Variants in AGBL3 observed in about 807,000 individuals in gnomAD.
AGBL3 encodes the protein cytosolic carboxypeptidase 3.
AGBL3 carries 68 observed loss-of-function variants against 94.5 expected under a neutral mutation model. The ratio of observed to expected loss-of-function variants is 0.72; its 90% CI spans 0.59 to 0.88. The LOEUF is 0.88. Ranked by LOEUF, AGBL3 falls within the 40% of genes least tolerant of loss-of-function variation. The pLI is 0.00. For missense variants in AGBL3, 934 were observed against 1,103.8 expected (o/e 0.85, Z 2.18); for synonymous variants, 354 against 370.7 (o/e 0.95, Z 0.52).
intron 8 of AGBL3, among the ~76,000 whole-genome samples, chr7:135,039,573 A>G (rs1477011796): frequency 2.0e-5 from 3 of 151,988 alleles, no homozygotes; most frequent in Admixed American, 2.0e-4. Context: ...CATCTCTACT[A>G]AAAATACAAA....
rs1816068283 is a variant in AGBL3 at position 135,034,179 on chromosome 7, C to G, written c.588C>G (p.Arg196=). The G allele has an allele frequency of 6.4e-6, 10 of 1,551,144 alleles. No individual in the cohort carries two copies. Among genetic ancestry groups the G allele is most frequent in the Non-Finnish European group, 8.7e-6 (10 of 1,146,786 alleles). ...AATACGAATACCAATTGACTGTACG[C>G]CCTGACCTCTTCACAAATAAACACA... ...VAEYEYQLTV[R]PDLFTNKHTQ... is the part of the protein sequence containing the mutation. Residue 196 remains arginine, a synonymous_variant, in exon 7 of 17, where the codon CGC becomes CGG. Transcript: ENST00000436302.
intron 2 of AGBL3, among the ~76,000 whole-genome samples, chr7:134,988,801 AT>A (rs5887718): frequency 0.068 from 10,357 of 151,452 alleles, 1,146 homozygotes; most frequent in African/African-American, 0.23. Flanking sequence ...TGCCTGGCTA[AT>A]TTTTTTTGTA....
intron 16 of AGBL3, among the ~76,000 whole-genome samples, chr7:135,121,244 T>C (rs1269011465): frequency 6.6e-6 from 1 of 151,990 alleles, no homozygotes; most frequent in Non-Finnish European, 1.5e-5. Context: ...GCAAAATATG[T>C]GAAGCAAAAA....
At chr7:135,017,301 C>A in intron 5 of AGBL3, 142 bp downstream of exon 5, 1 of 644,394 alleles carries the variant, frequency 1.6e-6, no homozygotes, top group Non-Finnish European at 2.7e-6. Context: ...ATATATTGAT[C>A]CAAGTGTTGA....
In AGBL3 at chr7:135,024,827, C is replaced by T. The variant is rs918811164; in HGVS notation, c.418+7668C>T. On this transcript the variant is annotated intron_variant, in intron 5 of 16. Coordinates refer to ENST00000436302, the MANE Select transcript of AGBL3 (RefSeq NM_178563.4). ...ACTGCTGGAATTGAAAAATTCACTA[C>T]AAGAATTACATAATACAGTTAGAAT... 2.0e-5 allele frequency among the ~76,000 whole-genome samples: 3 copies of T among 148,412 alleles called. 1 individual carries two copies. The highest frequency in any genetic ancestry group is 1.4e-4 in the Admixed American group (2 of 14,734).
At chr7:135,030,888 AT>A (rs1208237382) in intron 5 of AGBL3, among the ~76,000 whole-genome samples, 1 of 152,172 alleles carries the variant, frequency 6.6e-6, no homozygotes, top group Non-Finnish European at 1.5e-5. Flanking sequence ...GTATATGTTT[AT>A]GGCATACAAA....
At chr7:135,046,470 A>G (rs1395371402) in intron 11 of AGBL3, among the ~76,000 whole-genome samples, 6 of 152,230 alleles carry the variant, frequency 3.9e-5, no homozygotes, top group African/African-American at 9.6e-5. Flanking sequence ...GAATCCACCT[A>G]TTCAACCATC....
At position 135,053,932 on chromosome 7, in the gene AGBL3, T is replaced by C. The variant is rs185168510; in HGVS notation, c.1842-5237T>C. On this transcript the variant is annotated intron_variant, in intron 11 of 16. Coordinates refer to ENST00000436302, the MANE Select transcript of AGBL3 (RefSeq NM_178563.4). Reference sequence around the variant, plus strand: ...AATTTAAAACATAGACCTTTCAGTATAGATTCCTACTGTGTCAAAATCAAG... The same window carrying C: ...AATTTAAAACATAGACCTTTCAGTACAGATTCCTACTGTGTCAAAATCAAG... Among the ~76,000 whole-genome samples, 31 of 152,316 alleles carry C rather than the reference T, an allele frequency of 2.0e-4. No homozygotes were observed. The East Asian group carries it at 5.2e-3, about 26-fold the overall frequency.
In AGBL3 at chr7:135,094,607, A is replaced by C. The variant is rs28461869; in HGVS notation, c.2110+12817A>C. Reference sequence around the variant, plus strand: ...TCTGGAAAGGGGAGAAGAAGAGTAAACATTGTGAAATACACCCAGAGCATT... The same window carrying C: ...TCTGGAAAGGGGAGAAGAAGAGTAACCATTGTGAAATACACCCAGAGCATT... On this transcript the variant is annotated intron_variant, in intron 15 of 16. Coordinates refer to ENST00000436302, the MANE Select transcript of AGBL3 (RefSeq NM_178563.4). 3,635 of 449,960 alleles carry C rather than the reference A, an allele frequency of 8.1e-3. 120 individuals carry two copies. The highest frequency in any genetic ancestry group is 0.065 in the African/African-American group (3,234 of 49,658). 27.9% of individuals were successfully genotyped at this position (449,960 alleles called of 1,614,324 possible). A position where few individuals can be genotyped will look rare whatever the true frequency, so the allele number is the denominator to read the frequency against.
chr7:135,109,042 T>C (rs1825207916), intron 15 of AGBL3, among the ~76,000 whole-genome samples: 1 of 140,612 alleles, frequency 7.1e-6, no homozygotes, highest in Non-Finnish European at 1.6e-5. Context: ...TAAGATCAGT[T>C]AGGTTCTTTT....
chr7:135,076,257 A>T, intron 12 of AGBL3, 140 bp from the exon 13 acceptor site: 1 of 643,216 alleles, frequency 1.6e-6, no homozygotes, highest in Admixed American at 3.0e-5. Context: ...GATACCCAGA[A>T]TTTTTGGTTG....
chr7:135,035,037 T>C (rs1177232817), intron 7 of AGBL3, 109 bp downstream of exon 7: 2 of 1,000,260 alleles, frequency 2.0e-6, no homozygotes, highest in Non-Finnish European at 2.8e-6. Flanking sequence ...ATAGTCTAAC[T>C]ACTGTATAAC....
intron 4 of AGBL3, among the ~76,000 whole-genome samples, chr7:135,005,614 T>C (rs543830126): frequency 6.6e-6 from 1 of 151,908 alleles, no homozygotes; most frequent in African/African-American, 2.4e-5. Context: ...CTAAAATTTA[T>C]ATGGAAAGGC....
At chr7:134,988,718 ACCT>A in intron 2 of AGBL3, among the ~76,000 whole-genome samples, 1 of 151,782 alleles carries the variant, frequency 6.6e-6, no homozygotes. Context: ...GCTCACTGCA[ACCT>A]CTGCCTCCTG....
chr7:135,050,663 ATCTT>A (rs1319665676), intron 11 of AGBL3, among the ~76,000 whole-genome samples: 3 of 151,978 alleles, frequency 2.0e-5, no homozygotes, highest in Non-Finnish European at 4.4e-5. Flanking sequence ...ATTACATAAT[ATCTT>A]TCTTTGTCTC....
At chr7:135,109,319 G>GAC (rs1825255228) in intron 15 of AGBL3, among the ~76,000 whole-genome samples, 1 of 152,204 alleles carries the variant, frequency 6.6e-6, no homozygotes, top group Admixed American at 6.5e-5. Flanking sequence ...GGCTGCAAGA[G>GAC]AGCAAAGATG....
chr7:135,120,237 A>G (rs1194158456), intron 16 of AGBL3, among the ~76,000 whole-genome samples: 1 of 152,222 alleles, frequency 6.6e-6, no homozygotes, highest in African/African-American at 2.4e-5. Context: ...AAATTTTTCT[A>G]AATCATATTT....
intron 12 of AGBL3, among the ~76,000 whole-genome samples, chr7:135,068,756 C>T: frequency 6.6e-6 from 1 of 152,176 alleles, no homozygotes; most frequent in Non-Finnish European, 1.5e-5. Flanking sequence ...TGGAAAGGAA[C>T]AACCAGTACC....
intron 16 of AGBL3, among the ~76,000 whole-genome samples, chr7:135,123,336 G>A (rs1827407118): frequency 6.6e-6 from 1 of 152,006 alleles, no homozygotes. Context: ...ATGCAGACAA[G>A]ACTAGAGAAA....
Sources: gnomAD v4.1 joint callset for allele counts (sites outside exome capture counted in the v4.1 genomes callset) on GRCh38, gnomAD v4.1.1 for gene constraint, MANE v1.5 for transcripts, NCBI Gene and HGNC (gene_info 2026-07-23, HGNC 2026-07-21) for gene names.